Variants in CSNK1D observed in about 807,000 individuals in gnomAD.
The protein encoded by CSNK1D is casein kinase I isoform delta.
In CSNK1D, 16 loss-of-function variants were observed where a neutral mutation model predicts 46.6. The observed-to-expected ratio is 0.34, with a 90% CI of 0.23 to 0.52. CSNK1D has a LOEUF of 0.52. CSNK1D is among the 20% of genes least tolerant of loss of function. The probability of loss-of-function intolerance (pLI) is 0.95; values close to 1 mark genes in which losing one functional copy is unlikely to be tolerated. For synonymous variants in CSNK1D, 276 were observed against 228.2 expected (o/e 1.21, Z -1.89); for missense variants, 398 against 578.4 (o/e 0.69, Z 3.20).
chr17:82,249,187 T>C lies in CSNK1D; in HGVS notation c.1058-173A>G, dbSNP rs2050931320. On this transcript the variant is annotated intron_variant, in intron 7 of 8. Coordinates refer to ENST00000314028, the MANE Select transcript of CSNK1D (RefSeq NM_001893.6). This position sits in a 1 kb window ranked among gnomAD's most constrained non-coding sequence, Gnocchi z 6.7. ...CCGGCCGGAGGGACACAAAGGGACA[T>C]GGGAGCGAGGTCAAGGGGCTCACAG... 3.4e-6 allele frequency: 3 copies of C among 872,202 alleles called. No homozygotes were observed. Among genetic ancestry groups the C allele is most frequent in the East Asian group, 2.7e-5 (1 of 37,644 alleles). The allele number at this position is 872,202 out of a possible 1,614,324, so 54.0% of individuals were successfully genotyped here.
At chr17:82,258,843 G>A (rs2051251957) in intron 2 of CSNK1D, among the ~76,000 whole-genome samples, 1 of 152,190 alleles carries the variant, frequency 6.6e-6, no homozygotes, top group Non-Finnish European at 1.5e-5. Context: ...AGTGTTCTAG[G>A]CTGTCCTCCT....
intron 1 of CSNK1D, among the ~76,000 whole-genome samples, chr17:82,269,415 C>T (rs1263241356): frequency 6.6e-6 from 1 of 152,108 alleles, no homozygotes; most frequent in Non-Finnish European, 1.5e-5. Flanking sequence ...AACAGGTGGT[C>T]GCTCTCCTCT....
rs760362728 is a variant in CSNK1D at position 82,249,490 on chromosome 17, C to T, written c.998G>A (p.Arg333His). The T allele has an allele frequency of 4.5e-6, 7 of 1,543,000 alleles. No individual in the cohort carries two copies. The highest frequency in any genetic ancestry group is 2.4e-5 in the East Asian group (1 of 40,926). The change falls in exon 7 of 9, where the codon CGC becomes CAC. Residue 333 changes from arginine (R) to histidine (H), a missense_variant. By Grantham distance (29) the Arg-to-His change is conservative. This residue lies in a region of CSNK1D where 181 missense variants were observed against 208.0 expected (regional missense o/e 0.87). Coordinates refer to ENST00000314028, the MANE Select transcript of CSNK1D (RefSeq NM_001893.6). This position sits in a 1 kb window ranked among gnomAD's most constrained non-coding sequence, Gnocchi z 6.7. ...AGCCACTTCCTGCGTCCCCCGCAGG[C>T]GGCCGGAGGCTGTGGAAGGGAGGCC... ...TRGLPSTASG[R>H]LRGTQEVAPP...
rs539263054 is a variant in CSNK1D at position 82,263,110 on chromosome 17, G to A, written c.187+2576C>T. Among the ~76,000 whole-genome samples the A allele has an allele frequency of 1.1e-4, 16 of 152,308 alleles. No homozygotes were observed. In the East Asian group the frequency reaches 2.9e-3, roughly 28 times the overall value. On this transcript the variant is annotated intron_variant, in intron 2 of 8. Coordinates refer to ENST00000314028, the MANE Select transcript of CSNK1D (RefSeq NM_001893.6). The stretch of plus-strand genomic sequence containing the variant: ...CAGGAGAATGGCCTGAACCCAGGAG[G>A]CGGAGGTTGCAGTGGGCCAAGATTG...
At chr17:82,240,196 T>G, downstream of CSNK1D, 21 of 574,262 alleles carry the variant, frequency 3.7e-5, no homozygotes, top group Non-Finnish European at 5.2e-5. Context: ...TGGAGGCCTC[T>G]AGCAGGGCTC....
At chr17:82,240,676 C>T (rs555316008), downstream of CSNK1D, among the ~76,000 whole-genome samples, 2 of 152,322 alleles carry the variant, frequency 1.3e-5, no homozygotes, top group East Asian at 3.9e-4. Flanking sequence ...ACAGCAGAGG[C>T]TCAACACAAA....
At position 82,252,705 on chromosome 17, in the gene CSNK1D, C is replaced by T. The variant is rs965074282; in HGVS notation, c.566-101G>A. 1 of 1,223,406 alleles carries T rather than the reference C, an allele frequency of 8.2e-7. No homozygotes were observed. The highest frequency in any genetic ancestry group is 1.5e-5 in the African/African-American group (1 of 66,806). The allele number at this position is 1,223,406 out of a possible 1,614,324, so 75.8% of individuals were successfully genotyped here. On this transcript the variant is annotated intron_variant, in intron 4 of 8. Transcript: ENST00000314028. The surrounding 1 kb of genome is among the most constrained non-coding windows in gnomAD (Gnocchi z 4.6). Reference sequence around the variant, plus strand: ...CCAGTGGAGACTAGCCTCAGACACACATGCCCAGATCACTCCAGCTGGCAC... The same window carrying T: ...CCAGTGGAGACTAGCCTCAGACACATATGCCCAGATCACTCCAGCTGGCAC...
In CSNK1D at chr17:82,244,571, G is replaced by C; in HGVS notation, c.*210C>G. 1 of 1,490,282 alleles carries C rather than the reference G, an allele frequency of 6.7e-7. No homozygotes were observed. 92.3% of individuals were successfully genotyped at this position (1,490,282 alleles called of 1,614,324 possible). A position where few individuals can be genotyped will look rare whatever the true frequency, so the allele number is the denominator to read the frequency against. On this transcript the variant is annotated 3_prime_UTR_variant, in exon 9 of 9. Coordinates refer to ENST00000314028, the MANE Select transcript of CSNK1D (RefSeq NM_001893.6). ...GCCCCGTTACAACCGAGTTCACGTG[G>C]GGGGCCGCAGTGCAGCCCCAGCGGT... is the stretch of plus-strand genomic sequence containing the variant.
rs1416212355 is a variant in CSNK1D at position 82,244,736 on chromosome 17, G to T, written c.*45C>A. ...TAGTAAAGCCATTGGTAACAGAGTA[G>T]ATCAGCCATGCATTGTCTGCCCTTC... On this transcript the variant is annotated 3_prime_UTR_variant, in exon 9 of 9. Transcript: ENST00000314028. The T allele has an allele frequency of 2.5e-6, 4 of 1,613,554 alleles. No homozygotes were observed. Among genetic ancestry groups the T allele is most frequent in the South Asian group, 2.2e-5 (2 of 91,078 alleles).
chr17:82,246,674 C>T (rs777602617), intron 8 of CSNK1D: 23 of 995,776 alleles, frequency 2.3e-5, no homozygotes, highest in Non-Finnish European at 2.6e-5. Context: ...CTGTGACCTA[C>T]AGGCAGGCTG....
Position 82,244,594 on chromosome 17 carries a change from G to A in CSNK1D, c.*187C>T, listed in dbSNP as rs559662633. On this transcript the variant is annotated 3_prime_UTR_variant, in exon 9 of 9. Transcript: ENST00000314028. Reference sequence around the variant, plus strand: ...TGGGGGGCCGCAGTGCAGCCCCAGCGGTGGCAGCTCTTGGAGTCTGTCCGT... The same window carrying A: ...TGGGGGGCCGCAGTGCAGCCCCAGCAGTGGCAGCTCTTGGAGTCTGTCCGT... 5.1e-5 allele frequency: 77 copies of A among 1,515,324 alleles called. 1 individual carries two copies. The highest frequency in any genetic ancestry group is 4.7e-4 in the East Asian group (19 of 40,526). The allele number at this position is 1,515,324 out of a possible 1,614,324, so 93.9% of individuals were successfully genotyped here.
intron 8 of CSNK1D, chr17:82,246,117 G>A (rs958984970): frequency 1.3e-6 from 2 of 1,552,424 alleles, no homozygotes; most frequent in African/African-American, 2.7e-5. Context: ...ATGTCCAGAT[G>A]GGCATCCTTG....
chr17:82,250,975 C>T lies in CSNK1D; in HGVS notation c.885+404G>A, dbSNP rs79452120. 3.8e-5 allele frequency: 12 copies of T among 315,598 alleles called. No individual in the cohort carries two copies. The East Asian group carries it at 6.8e-4, about 18-fold the overall frequency. The allele number at this position is 315,598 out of a possible 1,614,324, so 19.5% of individuals were successfully genotyped here. A position where few individuals can be genotyped will look rare whatever the true frequency, so the allele number is the denominator to read the frequency against. ...TCATGACAGGGTCAGTCAGGCTAGA[C>T]GGGTAGCACCTCACCAGGCCCCAAC... On this transcript the variant is annotated intron_variant, in intron 6 of 8. Transcript: ENST00000314028. This position sits in a 1 kb window ranked among gnomAD's most constrained non-coding sequence, Gnocchi z 4.6.
chr17:82,269,282 G>A (rs764564371), intron 1 of CSNK1D, among the ~76,000 whole-genome samples: 8 of 152,072 alleles, frequency 5.3e-5, no homozygotes, highest in African/African-American at 1.2e-4. Context: ...AGGTCAACTC[G>A]CAGGGCAGCG....
Position 82,251,821 on chromosome 17 carries a change from T to A in CSNK1D, c.737-294A>T. 2 of 366,174 alleles carry A rather than the reference T, an allele frequency of 5.5e-6. No individual in the cohort carries two copies. The highest frequency in any genetic ancestry group is 1.0e-5 in the Non-Finnish European group (2 of 196,340). 22.7% of individuals were successfully genotyped at this position (366,174 alleles called of 1,614,324 possible). A position where few individuals can be genotyped will look rare whatever the true frequency, so the allele number is the denominator to read the frequency against. ...CTGGCTAACACAGTGAAACCCCATC[T>A]CTACTGAAAAAAAAAAAAAAAAAGT... On this transcript the variant is annotated intron_variant, in intron 5 of 8. Coordinates refer to ENST00000314028, the MANE Select transcript of CSNK1D (RefSeq NM_001893.6). This position sits in a 1 kb window ranked among gnomAD's most constrained non-coding sequence, Gnocchi z 4.5.
chr17:82,248,759 A>G lies in CSNK1D; in HGVS notation c.1197+116T>C, dbSNP rs1344413390. 6.6e-7 allele frequency: 1 copy of G among 1,522,722 alleles called. No individual in the cohort carries two copies. The highest frequency in any genetic ancestry group is 2.5e-5 in the East Asian group (1 of 40,616). 94.3% of individuals were successfully genotyped at this position (1,522,722 alleles called of 1,614,324 possible). A position where few individuals can be genotyped will look rare whatever the true frequency, so the allele number is the denominator to read the frequency against. On this transcript the variant is annotated intron_variant, in intron 8 of 8. Coordinates refer to ENST00000314028, the MANE Select transcript of CSNK1D (RefSeq NM_001893.6). The surrounding 1 kb of genome is among the most constrained non-coding windows in gnomAD (Gnocchi z 4.1). ...ACGCCACACCCTGGCGAGATTAAAA[A>G]CTCTCAAAAATGGGGGGAAGAAAGG... is the stretch of plus-strand genomic sequence containing the variant.
rs1238038331 is a variant in CSNK1D, at chr17:82,252,141, T to G, written c.736+293A>C. On this transcript the variant is annotated intron_variant, in intron 5 of 8. Transcript: ENST00000314028. This position sits in a 1 kb window ranked among gnomAD's most constrained non-coding sequence, Gnocchi z 4.6. ...TGCAGAGAGAGGCCCCACCACTGCC[T>G]GTCCATCCCTTTCCAGCCACTTGGG... 2.0e-5 allele frequency among the ~76,000 whole-genome samples: 3 copies of G among 152,232 alleles called. No individual in the cohort carries two copies. The highest frequency in any genetic ancestry group is 4.4e-5 in the Non-Finnish European group (3 of 68,032).
chr17:82,239,115 AGT>A (rs2050698454), downstream of CSNK1D: 2 of 805,848 alleles, frequency 2.5e-6, no homozygotes, highest in African/African-American at 3.5e-5. Context: ...TCGCCCGATC[AGT>A]GTTTTGAGGG....
chr17:82,243,946 C>A lies in CSNK1D; in HGVS notation c.*835G>T, dbSNP rs771324325. 1.0e-5 allele frequency: 10 copies of A among 985,748 alleles called. No homozygotes were observed. Among genetic ancestry groups the A allele is most frequent in the Non-Finnish European group, 1.1e-5 (9 of 830,228 alleles). 61.1% of individuals were successfully genotyped at this position (985,748 alleles called of 1,614,324 possible). On this transcript the variant is annotated 3_prime_UTR_variant, in exon 9 of 9. Transcript: ENST00000314028. The stretch of plus-strand genomic sequence containing the variant: ...CCTCTGCTTCCAAGCTCTCAGCTGC[C>A]TGCCCACCTCCTGGGGAAGAAGCGC...
Sources: gnomAD v4.1 joint callset for allele counts (sites outside exome capture counted in the v4.1 genomes callset) on GRCh38, gnomAD v4.1.1 for gene constraint, gnomAD v4.1.1 regional missense constraint, Gnocchi (gnomAD v3.1) non-coding constraint, MANE v1.5 for transcripts, NCBI Gene and HGNC (gene_info 2026-07-23, HGNC 2026-07-21) for gene names.